Variants in KCNMA1 observed in about 807,000 individuals in gnomAD.
KCNMA1 encodes the protein Calcium-activated potassium channel subunit alpha-1.
A neutral mutation model predicts 140.0 loss-of-function variants in KCNMA1; 29 were observed. The ratio of observed to expected loss-of-function variants is 0.21; its 90% CI spans 0.15 to 0.28. The LOEUF is 0.28. KCNMA1 is among the 10% of genes least tolerant of loss of function. The pLI is 1.00. For synonymous variants in KCNMA1, 612 were observed against 611.9 expected, an observed-to-expected ratio of 1.00 and a Z score of 0.00; for missense variants, 880 against 1,602.2, an observed-to-expected ratio of 0.55 and a Z score of 7.70.
Position 77,128,352 on chromosome 10 carries a change from C to CT in KCNMA1, c.809-7305dup, listed in dbSNP as rs746245490. 3.4e-4 allele frequency among the ~76,000 whole-genome samples: 51 copies of CT among 148,566 alleles called. 1 individual carries two copies. The highest frequency in any genetic ancestry group is 2.4e-4 in the Non-Finnish European group (16 of 67,512). ...TATATCAATCTTTCTACCATGTTCC[C>CT]TTTTTTTAAAATTTTTTTGGCCATC... is the stretch of plus-strand genomic sequence containing the variant. On this transcript the variant is annotated intron_variant, in intron 5 of 27. Coordinates refer to ENST00000286628, the MANE Select transcript of KCNMA1 (RefSeq NM_001161352.2).
At chr10:76,926,925 G>C (rs1378848975) in intron 23 of KCNMA1, among the ~76,000 whole-genome samples, 1 of 152,076 alleles carries the variant, frequency 6.6e-6, no homozygotes, top group African/African-American at 2.4e-5. Context: ...TAGCCCCTAA[G>C]GCATGATCCT....
chr10:77,069,839 G>A (rs891587907), intron 14 of KCNMA1, among the ~76,000 whole-genome samples: 3 of 151,962 alleles, frequency 2.0e-5, no homozygotes, highest in Non-Finnish European at 4.4e-5. Context: ...TGGAGACGGG[G>A]TCTTCTTTCT....
At chr10:77,290,476 T>C (rs1451882673) in intron 2 of KCNMA1, among the ~76,000 whole-genome samples, 1 of 152,196 alleles carries the variant, frequency 6.6e-6, no homozygotes, top group Non-Finnish European at 1.5e-5. Flanking sequence ...CGTGAGCCAG[T>C]GCCCTTCGTA....
chr10:76,958,207 G>A (rs1430553675), intron 20 of KCNMA1, among the ~76,000 whole-genome samples: 3 of 152,166 alleles, frequency 2.0e-5, no homozygotes, highest in African/African-American at 7.2e-5. Context: ...TCTTCAGTTT[G>A]CAAGGTGATA....
intron 1 of KCNMA1, among the ~76,000 whole-genome samples, chr10:77,564,615 T>A (rs2067523154): frequency 6.6e-6 from 1 of 152,078 alleles, no homozygotes; most frequent in Non-Finnish European, 1.5e-5. Context: ...GTAAAAAAGG[T>A]GATTTCATGC....
At chr10:77,501,413 G>A (rs1173223011) in intron 1 of KCNMA1, among the ~76,000 whole-genome samples, 1 of 152,204 alleles carries the variant, frequency 6.6e-6, no homozygotes, top group African/African-American at 2.4e-5. Flanking sequence ...CTGTGCATGT[G>A]CCTGAGGAGG....
intron 5 of KCNMA1, among the ~76,000 whole-genome samples, chr10:77,161,660 T>G (rs2098555910): frequency 6.6e-6 from 1 of 152,186 alleles, no homozygotes; most frequent in South Asian, 2.1e-4. Context: ...CAGTTATGAG[T>G]GTGTTTAGAG....
At chr10:77,371,143 C>T (rs2094679021) in intron 2 of KCNMA1, among the ~76,000 whole-genome samples, 3 of 152,240 alleles carry the variant, frequency 2.0e-5, no homozygotes, top group African/African-American at 7.2e-5. Flanking sequence ...ACTTACCCAA[C>T]ACTGAACGAG....
chr10:76,884,753 G>T, downstream of KCNMA1: 1 of 521,382 alleles, frequency 1.9e-6, no homozygotes. Flanking sequence ...GAAAGTGGAA[G>T]AAGGAAGGAA....
At chr10:77,298,238 AT>A (rs1341890443) in intron 2 of KCNMA1, among the ~76,000 whole-genome samples, 1 of 151,632 alleles carries the variant, frequency 6.6e-6, no homozygotes, top group Non-Finnish European at 1.5e-5. Context: ...TGGGGAGCTT[AT>A]TTTATTTATT....
At chr10:77,358,870 TCCTGCCACCTCATC>T (rs2093712184) in intron 2 of KCNMA1, among the ~76,000 whole-genome samples, 1 of 152,220 alleles carries the variant, frequency 6.6e-6, no homozygotes, top group African/African-American at 2.4e-5. Flanking sequence ...TGTCTTCGGA[TCCTGCCACCTCATC>T]CCTGTCGTCA....
intron 1 of KCNMA1, among the ~76,000 whole-genome samples, chr10:77,464,328 G>A (rs554598825): frequency 6.6e-6 from 1 of 152,200 alleles, no homozygotes; most frequent in South Asian, 2.1e-4. Context: ...TTTCTACCAG[G>A]CTGCCCCCTT....
chr10:77,171,400 CGTGTGT>C (rs60927086), intron 5 of KCNMA1, among the ~76,000 whole-genome samples: 8,128 of 128,932 alleles, frequency 0.063, 555 homozygotes, highest in African/African-American at 0.17. Context: ...TGTGTGTGTG[CGTGTGT>C]GTGTGTGTGT....
intron 23 of KCNMA1, among the ~76,000 whole-genome samples, chr10:76,918,132 A>G (rs967331966): frequency 6.6e-6 from 1 of 152,186 alleles, no homozygotes. Context: ...ACATTAAACA[A>G]CGCCCTAGTT....
At chr10:77,309,962 T>C (rs2078830256) in intron 2 of KCNMA1, among the ~76,000 whole-genome samples, 1 of 152,212 alleles carries the variant, frequency 6.6e-6, no homozygotes, top group South Asian at 2.1e-4. Flanking sequence ...CTCTTCTCTC[T>C]TCCAGCCTGG....
intron 20 of KCNMA1, among the ~76,000 whole-genome samples, chr10:76,954,822 C>T (rs1477658828): frequency 1.3e-5 from 2 of 152,172 alleles, no homozygotes; most frequent in African/African-American, 4.8e-5. Context: ...ATAAAGGCCT[C>T]CCGTCTAGTG....
intron 5 of KCNMA1, among the ~76,000 whole-genome samples, chr10:77,121,574 TAA>T (rs76163676): frequency 1.9e-4 from 24 of 125,996 alleles, no homozygotes; most frequent in Admixed American, 4.0e-4. Flanking sequence ...TTCCTCCCAA[TAA>T]AAAAAAAAAA....
chr10:77,353,999 T>A (rs906402749), intron 2 of KCNMA1, among the ~76,000 whole-genome samples: 1 of 14,558 alleles, frequency 6.9e-5, no homozygotes, highest in South Asian at 2.3e-3. Context: ...GGTGGAGGGG[T>A]GGGGATGGAG....
intron 19 of KCNMA1, among the ~76,000 whole-genome samples, chr10:76,989,686 C>A (rs2082217021): frequency 6.6e-6 from 1 of 152,076 alleles, no homozygotes; most frequent in South Asian, 2.1e-4. Flanking sequence ...AACAAATTGA[C>A]TCCATTTAAC....
Sources: gnomAD v4.1 joint callset for allele counts (sites outside exome capture counted in the v4.1 genomes callset) on GRCh38, gnomAD v4.1.1 for gene constraint, MANE v1.5 for transcripts, NCBI Gene and HGNC (gene_info 2026-07-23, HGNC 2026-07-21) for gene names.